DNM3: variants seen among roughly 807,000 people sequenced by gnomAD.
DNM3 encodes the protein dynamin 3, also known as dynamin-3.
Under a neutral mutation model 101.6 loss-of-function variants are expected in DNM3, and 47 were observed. The ratio of observed to expected loss-of-function variants is 0.46; its 90% CI spans 0.37 to 0.59. DNM3 has a LOEUF of 0.59. DNM3 is among the 20% of genes least tolerant of loss of function. The pLI is 0.00. For missense variants in DNM3, 849 were observed against 1,085.7 expected (o/e 0.78, Z 3.06); for synonymous variants, 385 against 387.9 (o/e 0.99, Z 0.09).
intron 12 of DNM3, among the ~76,000 whole-genome samples, chr1:172,084,961 T>C (rs938530629): frequency 7.9e-5 from 12 of 152,180 alleles, no homozygotes; most frequent in African/African-American, 2.9e-4. Flanking sequence ...AGAGTAGCAT[T>C]CAGGACATCT....
chr1:172,329,063 G>GT (rs5778729), intron 17 of DNM3, among the ~76,000 whole-genome samples: 33 of 151,114 alleles, frequency 2.2e-4, no homozygotes, highest in African/African-American at 1.5e-4. Flanking sequence ...AAGAATTTGT[G>GT]TTTTTTTTTG....
At chr1:171,891,350 A>AAT (rs1001041408) in intron 1 of DNM3, among the ~76,000 whole-genome samples, 2 of 151,246 alleles carry the variant, frequency 1.3e-5, no homozygotes, top group Non-Finnish European at 2.9e-5. Context: ...CAAGTGCTAA[A>AAT]AAAAAAAAAC....
At chr1:172,205,497 G>A (rs1429560685) in intron 14 of DNM3, among the ~76,000 whole-genome samples, 1 of 152,116 alleles carries the variant, frequency 6.6e-6, no homozygotes, top group East Asian at 1.9e-4. Flanking sequence ...TAAGAAACAT[G>A]TATTAATATT....
At chr1:172,075,141 T>C (rs1169638771) in intron 11 of DNM3, among the ~76,000 whole-genome samples, 2 of 149,050 alleles carry the variant, frequency 1.3e-5, no homozygotes, top group African/African-American at 5.0e-5. Flanking sequence ...TCTGTTCATA[T>C]CCTTTGCCCA....
At chr1:171,911,799 G>A (rs990995928) in intron 1 of DNM3, among the ~76,000 whole-genome samples, 3 of 152,092 alleles carry the variant, frequency 2.0e-5, no homozygotes, top group Non-Finnish European at 2.9e-5. Flanking sequence ...CCTGGTCAGC[G>A]GGTAAGTGTT....
At chr1:172,120,386 TG>T (rs927144332) in intron 13 of DNM3, among the ~76,000 whole-genome samples, 1 of 152,154 alleles carries the variant, frequency 6.6e-6, no homozygotes, top group Non-Finnish European at 1.5e-5. Context: ...CCATGACATG[TG>T]GGAATTATGG....
At chr1:171,956,247 C>T (rs1414308769) in intron 2 of DNM3, among the ~76,000 whole-genome samples, 6 of 152,186 alleles carry the variant, frequency 3.9e-5, no homozygotes, top group Non-Finnish European at 5.9e-5. Context: ...GTCCCTTCTG[C>T]CTATGAGCCT....
chr1:172,283,600 A>G (rs1010744090), intron 15 of DNM3, among the ~76,000 whole-genome samples: 5 of 151,740 alleles, frequency 3.3e-5, no homozygotes, highest in Non-Finnish European at 5.9e-5. Context: ...TCTCTACTAA[A>G]AATGCAAAAA....
chr1:172,068,989 C>A, intron 11 of DNM3, 84 bp downstream of exon 11: 1 of 1,176,308 alleles, frequency 8.5e-7, no homozygotes, highest in Non-Finnish European at 1.2e-6. Context: ...TCCCAACAGT[C>A]AGCCTGTCGC....
intron 2 of DNM3, among the ~76,000 whole-genome samples, chr1:171,963,532 T>C (rs1236260835): frequency 6.6e-6 from 1 of 152,094 alleles, no homozygotes; most frequent in African/African-American, 2.4e-5. Flanking sequence ...GTGATAATGA[T>C]GTATCAATAT....
At position 172,106,910 on chromosome 1, in the gene DNM3, G is replaced by A. The variant is rs1053162953; in HGVS notation, c.1545+14035G>A. Among the ~76,000 whole-genome samples the A allele has an allele frequency of 4.7e-5, 6 of 128,606 alleles. 1 individual carries two copies. The highest frequency in any genetic ancestry group is 9.5e-5 in the Non-Finnish European group (6 of 63,360). The allele number at this position is 128,606 out of a possible 152,430, so 84.4% of individuals were successfully genotyped here. A position where few individuals can be genotyped will look rare whatever the true frequency, so the allele number is the denominator to read the frequency against. ...GCTCTGTCGCCCAGGCCGGACCGCG[G>A]ACTGCAGTGGCGCAATCTCGGCTCA... is the stretch of plus-strand genomic sequence containing the variant. On this transcript the variant is annotated intron_variant, in intron 13 of 20. Coordinates refer to ENST00000627582, the MANE Select transcript of DNM3 (RefSeq NM_015569.5).
chr1:172,246,116 A>G (rs1258778441), intron 14 of DNM3, among the ~76,000 whole-genome samples: 2 of 152,178 alleles, frequency 1.3e-5, no homozygotes, highest in Non-Finnish European at 2.9e-5. Flanking sequence ...CATTACCACA[A>G]GAACAGCAAG....
chr1:172,354,112 T>TGTGAGAGAGAGAGAGA (rs138540712), intron 17 of DNM3, among the ~76,000 whole-genome samples: 1,682 of 94,894 alleles, frequency 0.018, 49 homozygotes, highest in African/African-American at 0.042. Flanking sequence ...TGTGTGTGTG[T>TGTGAGAGAGAGAGAGA]GAGAGAGAGA....
rs2071223168 is a variant in DNM3, at chr1:172,411,789, A to G, written c.*3948A>G. 3 of 985,686 alleles carry G rather than the reference A, an allele frequency of 3.0e-6. No homozygotes were observed. The highest frequency in any genetic ancestry group is 1.2e-6 in the Non-Finnish European group (1 of 829,850). The allele number at this position is 985,686 out of a possible 1,614,324, so 61.1% of individuals were successfully genotyped here. On this transcript the variant is annotated 3_prime_UTR_variant, in exon 21 of 21. Transcript: ENST00000627582. ...GAAGATAGTGTATGAGACTTAAGCCATGAGTTTTGTATCATTTCAATTAGA... is the reference window on the plus strand; with the variant it reads ...GAAGATAGTGTATGAGACTTAAGCCGTGAGTTTTGTATCATTTCAATTAGA...
At position 172,412,338 on chromosome 1, in the gene DNM3, TC is replaced by T. The variant is rs1393525043; in HGVS notation, c.*4503del. On this transcript the variant is annotated 3_prime_UTR_variant, in exon 21 of 21. Transcript: ENST00000627582. ...CTGCTACCAGTTTGTTAAAAATTATTCCCCCCAACCAGTAATTCCACCAGTA... is the reference window on the plus strand; with the variant it reads ...CTGCTACCAGTTTGTTAAAAATTATTCCCCCAACCAGTAATTCCACCAGTA... 1.2e-5 allele frequency: 12 copies of T among 985,490 alleles called. No homozygotes were observed. The highest frequency in any genetic ancestry group is 1.4e-5 in the Non-Finnish European group (12 of 829,936). 61.0% of individuals were successfully genotyped at this position (985,490 alleles called of 1,614,324 possible). A position where few individuals can be genotyped will look rare whatever the true frequency, so the allele number is the denominator to read the frequency against.
At chr1:171,920,033 C>T (rs749387056) in intron 1 of DNM3, among the ~76,000 whole-genome samples, 3 of 152,128 alleles carry the variant, frequency 2.0e-5, no homozygotes, top group Admixed American at 6.6e-5. Context: ...TAGTCATATA[C>T]GTTGACATTC....
intron 14 of DNM3, among the ~76,000 whole-genome samples, chr1:172,179,685 C>T (rs1462629421): frequency 6.6e-6 from 1 of 151,666 alleles, no homozygotes; most frequent in Non-Finnish European, 1.5e-5. Context: ...TAATTCTGGA[C>T]TTATTTTCCA....
intron 11 of DNM3, among the ~76,000 whole-genome samples, chr1:172,077,796 TC>T (rs1207435104): frequency 6.6e-6 from 1 of 152,206 alleles, no homozygotes; most frequent in Non-Finnish European, 1.5e-5. Context: ...GGTGGAGAGT[TC>T]TGTAGATGTC....
intron 14 of DNM3, among the ~76,000 whole-genome samples, chr1:172,243,887 T>C (rs1463202917): frequency 6.6e-6 from 1 of 152,172 alleles, no homozygotes; most frequent in East Asian, 1.9e-4. Flanking sequence ...TATTATACTT[T>C]AAGTTTTAGG....
Sources: allele counts gnomAD v4.1 joint callset (sites outside exome capture counted in the v4.1 genomes callset), GRCh38; gene constraint gnomAD v4.1.1; transcripts MANE v1.5; gene names NCBI Gene and HGNC (gene_info 2026-07-23, HGNC 2026-07-21).